Variants in SH3RF3 observed in about 807,000 individuals in gnomAD.
SH3RF3 encodes the protein SH3 domain containing ring finger 3.
SH3RF3 carries 29 observed loss-of-function variants against 66.3 expected under a neutral mutation model. That is an observed-to-expected ratio of 0.44 (90% CI 0.33 to 0.60). The LOEUF is 0.60. SH3RF3 is among the 20% of genes least tolerant of loss of function. The probability of loss-of-function intolerance (pLI) is 0.04; values close to 1 mark genes in which losing one functional copy is unlikely to be tolerated. For missense variants in SH3RF3, 1,194 were observed against 1,190.9 expected (o/e 1.00, Z -0.04); for synonymous variants, 583 against 532.0 (o/e 1.10, Z -1.32).
At chr2:109,158,154 G>T (rs1677396376) in intron 1 of SH3RF3, among the ~76,000 whole-genome samples, 1 of 152,138 alleles carries the variant, frequency 6.6e-6, no homozygotes. Context: ...TGTGACCCAG[G>T]CATGTCAGAC....
At chr2:109,246,358 A>AG (rs1679915904) in intron 1 of SH3RF3, among the ~76,000 whole-genome samples, 1 of 152,166 alleles carries the variant, frequency 6.6e-6, no homozygotes, top group East Asian at 1.9e-4. Flanking sequence ...CCCATGGTAG[A>AG]GGGGGCAAGG....
At position 109,236,671 on chromosome 2, in the gene SH3RF3, G is replaced by A. The variant is rs377744547; in HGVS notation, c.573+106558G>A. ...AATGGGGAGATTAAAGACGCCTAAA[G>A]GTCAAGGTCGAAGAAAGGAAATCCC... On this transcript the variant is annotated intron_variant, in intron 1 of 9. Transcript: ENST00000309415. 2.8e-3 allele frequency among the ~76,000 whole-genome samples: 421 copies of A among 152,294 alleles called. 4 individuals are homozygous for A. Among genetic ancestry groups the A allele is most frequent in the African/African-American group, 9.7e-3 (405 of 41,564 alleles).
chr2:109,392,515 C>CT (rs1010075800), intron 3 of SH3RF3, among the ~76,000 whole-genome samples: 224 of 146,554 alleles, frequency 1.5e-3, no homozygotes, highest in African/African-American at 3.2e-3. Flanking sequence ...CTTGCTTCTT[C>CT]TTTTTTTTTT....
intron 1 of SH3RF3, among the ~76,000 whole-genome samples, chr2:109,312,251 A>G (rs1681747368): frequency 6.6e-6 from 1 of 152,240 alleles, no homozygotes. Context: ...AATGTACCTC[A>G]GAGCTGGGGC....
chr2:109,241,360 A>G (rs1679777959), intron 1 of SH3RF3, among the ~76,000 whole-genome samples: 2 of 152,212 alleles, frequency 1.3e-5, no homozygotes, highest in African/African-American at 2.4e-5. Flanking sequence ...TACAAAATTC[A>G]TCTTGCTGTG....
At chr2:109,208,181 C>A (rs143487991) in intron 1 of SH3RF3, among the ~76,000 whole-genome samples, 416 of 152,386 alleles carry the variant, frequency 2.7e-3, no homozygotes, top group Non-Finnish European at 4.9e-3. Flanking sequence ...TGCCCTGTGG[C>A]ACCTACCTGG....
At chr2:109,138,227 C>T (rs903339800) in intron 1 of SH3RF3, among the ~76,000 whole-genome samples, 8 of 152,160 alleles carry the variant, frequency 5.3e-5, no homozygotes, top group African/African-American at 1.9e-4. Context: ...GGGGGTTTCA[C>T]CGTATTGGCC....
intron 1 of SH3RF3, among the ~76,000 whole-genome samples, chr2:109,148,712 C>T (rs547695420): frequency 6.6e-6 from 1 of 152,282 alleles, no homozygotes; most frequent in East Asian, 1.9e-4. Context: ...AGAAGCAGAG[C>T]GTAATGTGTA....
chr2:109,221,239 A>C (rs1038881627), intron 1 of SH3RF3, among the ~76,000 whole-genome samples: 1 of 152,182 alleles, frequency 6.6e-6, no homozygotes, highest in African/African-American at 2.4e-5. Flanking sequence ...TTTCTTTTCA[A>C]TAACAGCCAT....
intron 1 of SH3RF3, 124 bp downstream of exon 1, chr2:109,130,237 C>A: frequency 1.1e-6 from 1 of 935,762 alleles, no homozygotes; most frequent in Non-Finnish European, 1.4e-6. Context: ...GCCCACTCCG[C>A]TGTTGCTCTT....
intron 1 of SH3RF3, among the ~76,000 whole-genome samples, chr2:109,266,303 TTGTG>T (rs940147319): frequency 1.2e-4 from 18 of 151,420 alleles, no homozygotes; most frequent in African/African-American, 4.1e-4. Context: ...TGTGTATGTG[TTGTG>T]TGTGTGTTGT....
intron 2 of SH3RF3, among the ~76,000 whole-genome samples, chr2:109,356,810 A>G (rs921786933): frequency 6.6e-6 from 1 of 152,102 alleles, no homozygotes. Context: ...GTGACTGAAA[A>G]TAAGCCTGGT....
At chr2:109,494,045 C>T (rs975186652) in intron 9 of SH3RF3, among the ~76,000 whole-genome samples, 2 of 152,116 alleles carry the variant, frequency 1.3e-5, no homozygotes, top group Non-Finnish European at 1.5e-5. Context: ...GTTGGTCTGC[C>T]GGCTCGTGAG....
chr2:109,416,267 A>C (rs1166835213), intron 4 of SH3RF3, among the ~76,000 whole-genome samples: 1 of 152,062 alleles, frequency 6.6e-6, no homozygotes, highest in Non-Finnish European at 1.5e-5. Context: ...GGGCCTGTGC[A>C]CGCTGAACTT....
rs1461849514 is a variant in SH3RF3, at chr2:109,385,532, A to G, written c.946-13058A>G. Among the ~76,000 whole-genome samples, 131 of 152,276 alleles carry G rather than the reference A, an allele frequency of 8.6e-4. 1 individual carries two copies. Among genetic ancestry groups the G allele is most frequent in the Non-Finnish European group, 7.3e-5 (5 of 68,046 alleles). On this transcript the variant is annotated intron_variant, in intron 3 of 9. Coordinates refer to ENST00000309415, the MANE Select transcript of SH3RF3 (RefSeq NM_001099289.3). ...GGTTTCATTCGATGTGAAGGAAACA[A>G]TCACTTAGAGAATGAGTTTCCTTGA...
intron 1 of SH3RF3, among the ~76,000 whole-genome samples, chr2:109,276,801 C>T (rs185174814): frequency 6.6e-6 from 1 of 152,136 alleles, no homozygotes; most frequent in Non-Finnish European, 1.5e-5. Context: ...ATATATACTA[C>T]CTTTTTCCTA....
At chr2:109,277,457 G>T (rs545264685) in intron 1 of SH3RF3, among the ~76,000 whole-genome samples, 2 of 152,168 alleles carry the variant, frequency 1.3e-5, no homozygotes, top group African/African-American at 4.8e-5. Context: ...AGTATCTCCC[G>T]TGAAGAGTCC....
rs544413172 is a variant in SH3RF3 at position 109,501,036 on chromosome 2, G to C, written c.2481-467G>C. ...CCCCAACCTGTGAGGTGGTGCTGCA[G>C]TTGAGGAGCGTGCTTTTCAGAGGAA... On this transcript the variant is annotated intron_variant, in intron 9 of 9. Coordinates refer to ENST00000309415, the MANE Select transcript of SH3RF3 (RefSeq NM_001099289.3). Among the ~76,000 whole-genome samples, 56 of 152,338 alleles carry C rather than the reference G, an allele frequency of 3.7e-4. 1 individual carries two copies. In the East Asian group the frequency reaches 0.01, roughly 28 times the overall value.
intron 5 of SH3RF3, among the ~76,000 whole-genome samples, chr2:109,423,137 T>A (rs920741845): frequency 6.6e-6 from 1 of 151,894 alleles, no homozygotes; most frequent in Admixed American, 6.6e-5. Context: ...ACCACCCAGA[T>A]GGCACCTGAG....
Sources: gnomAD v4.1 joint callset for allele counts (sites outside exome capture counted in the v4.1 genomes callset) on GRCh38, gnomAD v4.1.1 for gene constraint, MANE v1.5 for transcripts, NCBI Gene and HGNC (gene_info 2026-07-23, HGNC 2026-07-21) for gene names.